EFR3A: variants seen among roughly 807,000 people sequenced by gnomAD.
EFR3A encodes the protein EFR3 homolog A, also known as protein EFR3 homolog A.
Under a neutral mutation model 104.4 loss-of-function variants are expected in EFR3A, and 76 were observed. That is an observed-to-expected ratio of 0.73 (90% CI 0.60 to 0.88). The LOEUF is 0.88. Ranked by LOEUF, EFR3A falls within the 40% of genes least tolerant of loss-of-function variation. The pLI is 0.00. For missense variants in EFR3A, 985 were observed against 1,012.5 expected, an observed-to-expected ratio of 0.97 and a Z score of 0.37; for synonymous variants, 330 against 330.0, an observed-to-expected ratio of 1.00 and a Z score of 0.00.
rs1816128112 is a variant in EFR3A, at chr8:131,904,302, T to C, written c.-11T>C. The C allele has an allele frequency of 3.2e-6, 4 of 1,265,224 alleles. No individual in the cohort carries two copies. Among genetic ancestry groups the C allele is most frequent in the African/African-American group, 1.5e-5 (1 of 64,526 alleles). The allele number at this position is 1,265,224 out of a possible 1,614,324, so 78.4% of individuals were successfully genotyped here. ...AGCCTCGGTGCGGCGGCGAGCGCGG[T>C]CGAGATCGCCATGCCTACCCGTGAG... On this transcript the variant is annotated 5_prime_UTR_variant, in exon 1 of 23. Coordinates refer to ENST00000254624, the MANE Select transcript of EFR3A (RefSeq NM_015137.6).
At chr8:131,976,316 T>A (rs1212950484) in intron 11 of EFR3A, among the ~76,000 whole-genome samples, 175 bp downstream of exon 11, 1 of 152,196 alleles carries the variant, frequency 6.6e-6, no homozygotes, top group African/African-American at 2.4e-5. Flanking sequence ...TTAGCATTTT[T>A]AGGCCTTTAG....
chr8:131,952,598 G>T (rs1198019152), intron 5 of EFR3A, among the ~76,000 whole-genome samples: 1 of 151,882 alleles, frequency 6.6e-6, no homozygotes, highest in African/African-American at 2.4e-5. Flanking sequence ...CAGCAGGTAT[G>T]TAAAGCAGGC....
chr8:131,931,477 C>T lies in EFR3A; in HGVS notation c.11-9022C>T, dbSNP rs536877731. On this transcript the variant is annotated intron_variant, in intron 1 of 22. Coordinates refer to ENST00000254624, the MANE Select transcript of EFR3A (RefSeq NM_015137.6). ...TAAATCCAGTCATTTTCTATTGTTACTATTTTGTTTGCATCTAGCTTTGTT... is the reference window on the plus strand; with the variant it reads ...TAAATCCAGTCATTTTCTATTGTTATTATTTTGTTTGCATCTAGCTTTGTT... Among the ~76,000 whole-genome samples the T allele has an allele frequency of 1.8e-3, 280 of 152,020 alleles. 2 individuals are homozygous for T. Among genetic ancestry groups the T allele is most frequent in the African/African-American group, 6.6e-3 (272 of 41,476 alleles).
rs1450021374 is a variant in EFR3A, at chr8:131,955,791, C to T, written c.662C>T (p.Pro221Leu). The T allele has an allele frequency of 6.2e-7, 1 of 1,612,428 alleles. No individual in the cohort carries two copies. The highest frequency in any genetic ancestry group is 1.7e-5 in the Admixed American group (1 of 59,912). The stretch of plus-strand genomic sequence containing the variant: ...AGTCGCATAGGCCCTCCTTCTTCTC[C>T]TTCTGCAACTGACAAAGAAGAGAAT... ...VDSRIGPPSS[P>L]SATDKEENPA... is the part of the protein sequence containing the mutation. The change falls in exon 7 of 23, where the codon CCT becomes CTT. Residue 221 changes from proline to leucine, a missense_variant. Pro to Leu is a moderately conservative substitution (Grantham distance 98). Transcript: ENST00000254624.
chr8:132,009,607 G>C (rs1822224015), intron 22 of EFR3A, among the ~76,000 whole-genome samples: 1 of 152,032 alleles, frequency 6.6e-6, no homozygotes, highest in Non-Finnish European at 1.5e-5. Flanking sequence ...AAAGAAAAGG[G>C]CAACTGTTGA....
intron 10 of EFR3A, among the ~76,000 whole-genome samples, chr8:131,971,675 G>A (rs1365058776): frequency 7.4e-6 from 1 of 135,780 alleles, no homozygotes; most frequent in Non-Finnish European, 1.6e-5. Context: ...GCGACAGCAA[G>A]ACTCCGTCTC....
Position 131,910,637 on chromosome 8 carries a change from C to T in EFR3A, c.10+6315C>T, listed in dbSNP as rs182642879. Among the ~76,000 whole-genome samples the T allele has an allele frequency of 5.3e-5, 8 of 152,338 alleles. No homozygotes were observed. In the East Asian group the frequency reaches 1.5e-3, roughly 29 times the overall value. On this transcript the variant is annotated intron_variant, in intron 1 of 22. Coordinates refer to ENST00000254624, the MANE Select transcript of EFR3A (RefSeq NM_015137.6). ...TACTCCATGCACTTTCCCACCCACACACACCTCTGTAAAAGGAGAGACAGT... is the reference window on the plus strand; with the variant it reads ...TACTCCATGCACTTTCCCACCCACATACACCTCTGTAAAAGGAGAGACAGT...
chr8:131,945,786 C>T (rs965588992), intron 3 of EFR3A, among the ~76,000 whole-genome samples: 1 of 152,072 alleles, frequency 6.6e-6, no homozygotes, highest in Non-Finnish European at 1.5e-5. Flanking sequence ...GTGTTGGGAA[C>T]ATTTCAAGTC....
chr8:131,996,865 G>A (rs773555091), intron 19 of EFR3A, among the ~76,000 whole-genome samples: 6 of 152,088 alleles, frequency 3.9e-5, no homozygotes, highest in South Asian at 2.1e-4. Context: ...TAAAAATTTA[G>A]GAAATGCAAA....
intron 1 of EFR3A, among the ~76,000 whole-genome samples, chr8:131,904,905 C>T (rs1816168956): frequency 6.6e-6 from 1 of 152,180 alleles, no homozygotes; most frequent in Non-Finnish European, 1.5e-5. Context: ...TTAAAAATGC[C>T]GGTTTCGGGA....
intron 20 of EFR3A, among the ~76,000 whole-genome samples, 169 bp downstream of exon 20, chr8:132,001,976 ATTGTC>A (rs2130804476): frequency 6.6e-6 from 1 of 152,302 alleles, no homozygotes; most frequent in African/African-American, 2.4e-5. Context: ...AGGCTTCAGA[ATTGTC>A]TTGTCCCTTC....
Position 132,002,684 on chromosome 8 carries a change from TAGC to T in EFR3A, c.2293_2295del (p.Ala765del), listed in dbSNP as rs1371924433. ...TTTCAGAAAGCACCTTTTGAAGAAA[TAGC>T]AGCACAGTGTGAATCCAAAGTAAGT... On this transcript the variant is annotated inframe_deletion, in exon 21 of 23. Transcript: ENST00000254624. 1.2e-6 allele frequency: 2 copies of T among 1,613,670 alleles called. No individual in the cohort carries two copies. Among genetic ancestry groups the T allele is most frequent in the Non-Finnish European group, 8.5e-7 (1 of 1,179,666 alleles).
chr8:131,986,329 A>G lies in EFR3A; in HGVS notation c.1937+68A>G, dbSNP rs960940241. The G allele has an allele frequency of 1.1e-4, 79 of 738,010 alleles. 2 individuals are homozygous for G. In the Admixed American group the frequency reaches 2.3e-3, roughly 21 times the overall value. 45.7% of individuals were successfully genotyped at this position (738,010 alleles called of 1,614,324 possible). ...ATAAACCCATCAGTAATAATTATAA[A>G]GGAGTAAATATTGTTACAATAATTC... On this transcript the variant is annotated intron_variant, in intron 17 of 22. Transcript: ENST00000254624.
intron 2 of EFR3A, among the ~76,000 whole-genome samples, chr8:131,943,726 A>T (rs557461796): frequency 8.5e-5 from 13 of 152,094 alleles, no homozygotes; most frequent in African/African-American, 3.1e-4. Flanking sequence ...CATCTATGAC[A>T]ACCCATAATG....
chr8:131,929,594 G>C (rs577253705), intron 1 of EFR3A, among the ~76,000 whole-genome samples: 1 of 152,222 alleles, frequency 6.6e-6, no homozygotes, highest in East Asian at 1.9e-4. Flanking sequence ...TTTCCCACCA[G>C]ACTACGAGCT....
chr8:131,919,220 A>T (rs1816882028), intron 1 of EFR3A, among the ~76,000 whole-genome samples: 1 of 152,120 alleles, frequency 6.6e-6, no homozygotes, highest in South Asian at 2.1e-4. Flanking sequence ...TTACTAATGC[A>T]TATTAAGGTC....
chr8:131,969,539 C>T (rs556765818), intron 9 of EFR3A, among the ~76,000 whole-genome samples: 50 of 144,374 alleles, frequency 3.5e-4, no homozygotes, highest in Middle Eastern at 3.5e-3. Flanking sequence ...TTTTTTTTAT[C>T]GTGGGTTTTT....
chr8:131,906,936 C>A (rs1816289970), intron 1 of EFR3A, among the ~76,000 whole-genome samples: 1 of 152,150 alleles, frequency 6.6e-6, no homozygotes, highest in African/African-American at 2.4e-5. Flanking sequence ...AACTCTGAAT[C>A]GGAGTTTGAG....
Position 132,012,228 on chromosome 8 carries a change from G to C in EFR3A, c.*1333G>C, listed in dbSNP as rs1822378530. The C allele has an allele frequency of 6.6e-6, 1 of 152,042 alleles. No homozygotes were observed. The allele number at this position is 152,042 out of a possible 1,614,324, so 9.4% of individuals were successfully genotyped here. ...GAATACAGTTTAATTTTTGGCTTTT[G>C]TTTTTGTTTAAAAAATTGCAGTGAA... On this transcript the variant is annotated 3_prime_UTR_variant, in exon 23 of 23. Coordinates refer to ENST00000254624, the MANE Select transcript of EFR3A (RefSeq NM_015137.6).
Sources: gnomAD v4.1 joint callset for allele counts (sites outside exome capture counted in the v4.1 genomes callset) on GRCh38, gnomAD v4.1.1 for gene constraint, MANE v1.5 for transcripts, NCBI Gene and HGNC (gene_info 2026-07-23, HGNC 2026-07-21) for gene names.